KIRREL3: variants seen among roughly 807,000 people sequenced by gnomAD.
The protein encoded by KIRREL3 is kirre like nephrin family adhesion molecule 3.
A neutral mutation model predicts 89.7 loss-of-function variants in KIRREL3; 36 were observed. The observed-to-expected ratio is 0.40, with a 90% CI of 0.31 to 0.53. The LOEUF (loss-of-function observed/expected upper bound fraction) is 0.53. Among genes scored for constraint, KIRREL3 ranks in the 20% least tolerant of loss-of-function variants. The pLI, the probability that KIRREL3 is intolerant of heterozygous loss-of-function variation, is 0.49. For synonymous variants in KIRREL3, 445 were observed against 441.4 expected, an observed-to-expected ratio of 1.01 and a Z score of -0.10; for missense variants, 864 against 1,056.6, an observed-to-expected ratio of 0.82 and a Z score of 2.53.
rs989346673 is a variant in KIRREL3, at chr11:126,994,167, C to A, written c.55+6288G>T. On this transcript the variant is annotated intron_variant, in intron 1 of 16. Coordinates refer to ENST00000525144, the MANE Select transcript of KIRREL3 (RefSeq NM_032531.4). This position sits in a 1 kb window ranked among gnomAD's most constrained non-coding sequence, Gnocchi z 5.2. The stretch of plus-strand genomic sequence containing the variant: ...GAAAAGTGGCTGATTCTGGAGATAT[C>A]ACACTGATTTAACATTAAGTGGTGT... Among the ~76,000 whole-genome samples the A allele has an allele frequency of 6.6e-6, 1 of 152,018 alleles. No homozygotes were observed. Among genetic ancestry groups the A allele is most frequent in the Non-Finnish European group, 1.5e-5 (1 of 68,026 alleles).
rs1591451726 is a variant in KIRREL3 at position 127,000,530 on chromosome 11, A to G, written c.-21T>C. 1.3e-6 allele frequency: 2 copies of G among 1,596,296 alleles called. No individual in the cohort carries two copies. Among genetic ancestry groups the G allele is most frequent in the African/African-American group, 1.3e-5 (1 of 74,518 alleles). On this transcript the variant is annotated 5_prime_UTR_variant, in exon 1 of 17. Transcript: ENST00000525144. This position sits in a 1 kb window ranked among gnomAD's most constrained non-coding sequence, Gnocchi z 7.1. Reference sequence around the variant, plus strand: ...TTCATTCCTTAGCGCAGCGAAGGAAAGCCGGCGGGGTAACTTGGCTGTGGT... The same window carrying G: ...TTCATTCCTTAGCGCAGCGAAGGAAGGCCGGCGGGGTAACTTGGCTGTGGT...
chr11:126,545,840 T>C (rs904127306), intron 2 of KIRREL3, among the ~76,000 whole-genome samples: 4 of 152,090 alleles, frequency 2.6e-5, no homozygotes, highest in African/African-American at 4.8e-5. Context: ...CTTTCAAGGG[T>C]TGCAGGGCAG....
chr11:126,613,167 T>C (rs1451777059), intron 1 of KIRREL3, among the ~76,000 whole-genome samples: 2 of 152,188 alleles, frequency 1.3e-5, no homozygotes, highest in South Asian at 2.1e-4. Flanking sequence ...TAGAAACATA[T>C]TAAAAACCAT....
intron 1 of KIRREL3, among the ~76,000 whole-genome samples, chr11:126,916,261 C>T (rs540902797): frequency 2.0e-5 from 3 of 152,144 alleles, no homozygotes; most frequent in Non-Finnish European, 4.4e-5. Flanking sequence ...TCAGAATGTG[C>T]TGTTTTCATA....
rs1944222340 is a variant in KIRREL3, at chr11:126,635,371, A to T, written c.56-72459T>A. Among the ~76,000 whole-genome samples, 1 of 152,236 alleles carries T rather than the reference A, an allele frequency of 6.6e-6. No homozygotes were observed. The highest frequency in any genetic ancestry group is 1.5e-5 in the Non-Finnish European group (1 of 68,038). On this transcript the variant is annotated intron_variant, in intron 1 of 16. Transcript: ENST00000525144. The surrounding 1 kb of genome is among the most constrained non-coding windows in gnomAD (Gnocchi z 4.0). ...TAGGTGAGTGATATATACAGAGGTT[A>T]GACCTCAGGGTTATGTTATGGATTG... is the stretch of plus-strand genomic sequence containing the variant.
chr11:127,002,786 A>C (rs1950336941), upstream of KIRREL3: 1 of 152,212 alleles, frequency 6.6e-6, no homozygotes, highest in Admixed American at 6.5e-5. Flanking sequence ...TCAATGGCCC[A>C]GGGCCCAGAT....
chr11:126,732,274 A>T (rs1231034598), intron 1 of KIRREL3, among the ~76,000 whole-genome samples: 1 of 152,234 alleles, frequency 6.6e-6, no homozygotes, highest in East Asian at 1.9e-4. Flanking sequence ...ATGATTCCGC[A>T]GTTTATAATA....
At chr11:126,793,473 G>A (rs188448343) in intron 1 of KIRREL3, among the ~76,000 whole-genome samples, 4 of 152,308 alleles carry the variant, frequency 2.6e-5, no homozygotes, top group Admixed American at 1.3e-4. Context: ...GAGAAAGAGA[G>A]TAGGAGAGAC....
chr11:126,696,703 G>C lies in KIRREL3; in HGVS notation c.56-133791C>G, dbSNP rs1313479380. 6.6e-6 allele frequency among the ~76,000 whole-genome samples: 1 copy of C among 152,154 alleles called. No individual in the cohort carries two copies. The highest frequency in any genetic ancestry group is 1.5e-5 in the Non-Finnish European group (1 of 68,022). The stretch of plus-strand genomic sequence containing the variant: ...TAAGGCCCTTGGCGAGTTGACATCA[G>C]GCTCCCTCTCTCCCAAAGCCACACC... On this transcript the variant is annotated intron_variant, in intron 1 of 16. Transcript: ENST00000525144. The surrounding 1 kb of genome is among the most constrained non-coding windows in gnomAD (Gnocchi z 4.4).
chr11:126,971,224 A>G (rs988602970), intron 1 of KIRREL3, among the ~76,000 whole-genome samples: 2 of 152,200 alleles, frequency 1.3e-5, no homozygotes, highest in African/African-American at 4.8e-5. Flanking sequence ...TGGGAGGTTA[A>G]ACCATTAGTG....
intron 2 of KIRREL3, among the ~76,000 whole-genome samples, chr11:126,532,551 T>C (rs1413458184): frequency 6.6e-6 from 1 of 152,094 alleles, no homozygotes; most frequent in Non-Finnish European, 1.5e-5. Context: ...AATTTTTGTA[T>C]TTTTAGTAGA....
At chr11:126,497,131 TGA>T (rs1957680917) in intron 4 of KIRREL3, among the ~76,000 whole-genome samples, 2 of 151,176 alleles carry the variant, frequency 1.3e-5, no homozygotes, top group Admixed American at 1.3e-4. Context: ...TGTGTGTGTG[TGA>T]CAGAGAGAGA....
In KIRREL3 at chr11:126,530,576, C is replaced by A. The variant is rs956229215; in HGVS notation, c.134-3889G>T. 6.6e-6 allele frequency among the ~76,000 whole-genome samples: 1 copy of A among 152,192 alleles called. No individual in the cohort carries two copies. The highest frequency in any genetic ancestry group is 1.5e-5 in the Non-Finnish European group (1 of 68,030). ...AGGCACTGTGCTGTCTGGTGAGGAG[C>A]AGGGGAACAGGCCTGGCCACCCCTC... On this transcript the variant is annotated intron_variant, in intron 2 of 16. Coordinates refer to ENST00000525144, the MANE Select transcript of KIRREL3 (RefSeq NM_032531.4). The surrounding 1 kb of genome is among the most constrained non-coding windows in gnomAD (Gnocchi z 5.8).
chr11:126,863,524 CGT>C (rs1230295057), intron 1 of KIRREL3, among the ~76,000 whole-genome samples: 4 of 113,776 alleles, frequency 3.5e-5, no homozygotes, highest in Non-Finnish European at 5.5e-5. Context: ...TGTTTGAGTG[CGT>C]GTGTGAGTGC....
At position 126,954,572 on chromosome 11, in the gene KIRREL3, C is replaced by T. The variant is rs773885421; in HGVS notation, c.55+45883G>A. 2.3e-4 allele frequency among the ~76,000 whole-genome samples: 35 copies of T among 151,862 alleles called. No homozygotes were observed. The highest frequency in any genetic ancestry group is 1.5e-3 in the South Asian group (7 of 4,814). On this transcript the variant is annotated intron_variant, in intron 1 of 16. Coordinates refer to ENST00000525144, the MANE Select transcript of KIRREL3 (RefSeq NM_032531.4). This position sits in a 1 kb window ranked among gnomAD's most constrained non-coding sequence, Gnocchi z 4.1. ...TGGGTAGAACAGATGGCCCAGAAAG[C>T]GCAAACCCACCTTGTCTGTGATGAA...
At chr11:126,777,163 A>T (rs1221580388) in intron 1 of KIRREL3, among the ~76,000 whole-genome samples, 1 of 152,032 alleles carries the variant, frequency 6.6e-6, no homozygotes, top group Non-Finnish European at 1.5e-5. Flanking sequence ...ATGCCTGGGG[A>T]TTTTTTTGAT....
chr11:126,701,735 AGC>A (rs1288123107), intron 1 of KIRREL3, among the ~76,000 whole-genome samples: 1 of 152,074 alleles, frequency 6.6e-6, no homozygotes, highest in African/African-American at 2.4e-5. Context: ...GGAGTTCTGG[AGC>A]CACTCCCAGC....
chr11:126,806,031 A>C (rs1951193346), intron 1 of KIRREL3, among the ~76,000 whole-genome samples: 1 of 152,224 alleles, frequency 6.6e-6, no homozygotes, highest in African/African-American at 2.4e-5. Flanking sequence ...CTGTCAAATT[A>C]AATGCCTGAA....
chr11:126,857,128 C>T (rs975217500), intron 1 of KIRREL3, among the ~76,000 whole-genome samples: 4 of 152,200 alleles, frequency 2.6e-5, no homozygotes, highest in Non-Finnish European at 2.9e-5. Context: ...ATATTGCCTC[C>T]TCCATACACT....
Sources: allele counts gnomAD v4.1 joint callset (sites outside exome capture counted in the v4.1 genomes callset), GRCh38; gene constraint gnomAD v4.1.1; non-coding constraint Gnocchi (gnomAD v3.1); transcripts MANE v1.5; gene names NCBI Gene and HGNC (gene_info 2026-07-23, HGNC 2026-07-21).